DPP10: variants seen among roughly 807,000 people sequenced by gnomAD.
DPP10 encodes the protein inactive dipeptidyl peptidase 10.
DPP10 carries 33 observed loss-of-function variants against 120.9 expected under a neutral mutation model. The ratio of observed to expected loss-of-function variants is 0.27; its 90% CI spans 0.21 to 0.37. The LOEUF is 0.37. Ranked by LOEUF, DPP10 falls within the 10% of genes least tolerant of loss-of-function variation. The pLI is 1.00. For synonymous variants in DPP10, 337 were observed against 326.1 expected, an observed-to-expected ratio of 1.03 and a Z score of -0.36; for missense variants, 816 against 942.8, an observed-to-expected ratio of 0.87 and a Z score of 1.76.
At chr2:114,923,078 CTG>C (rs1310006873) in intron 1 of DPP10, among the ~76,000 whole-genome samples, 2 of 152,046 alleles carry the variant, frequency 1.3e-5, no homozygotes, top group Non-Finnish European at 2.9e-5. Context: ...CAAAATTGGA[CTG>C]TCTTTTTATT....
chr2:115,376,886 A>G (rs1419898055), intron 3 of DPP10, among the ~76,000 whole-genome samples: 2 of 148,354 alleles, frequency 1.3e-5, no homozygotes, highest in Non-Finnish European at 3.0e-5. Context: ...TGAACTCATC[A>G]TTTTTTATGG....
intron 1 of DPP10, among the ~76,000 whole-genome samples, chr2:114,896,705 T>A (rs570852212): frequency 6.6e-6 from 1 of 152,324 alleles, no homozygotes; most frequent in African/African-American, 2.4e-5. Flanking sequence ...ACTTCCTTTT[T>A]TCCTAATTGA....
intron 1 of DPP10, among the ~76,000 whole-genome samples, chr2:115,126,748 T>C (rs2104764442): frequency 6.6e-6 from 1 of 152,296 alleles, no homozygotes; most frequent in South Asian, 2.1e-4. Flanking sequence ...TTTCCCTGAT[T>C]ACAGGCATTT....
At chr2:114,855,139 A>G (rs1024972696) in intron 1 of DPP10, among the ~76,000 whole-genome samples, 3 of 152,188 alleles carry the variant, frequency 2.0e-5, no homozygotes, top group Admixed American at 6.6e-5. Flanking sequence ...AAGGGAAGGA[A>G]AAGAGAGAGA....
chr2:115,130,075 A>T (rs1432964049), intron 1 of DPP10, among the ~76,000 whole-genome samples: 1 of 152,160 alleles, frequency 6.6e-6, no homozygotes. Flanking sequence ...CCATCTAATC[A>T]AAACCCTCCT....
At chr2:115,408,619 A>G (rs931778097) in intron 3 of DPP10, among the ~76,000 whole-genome samples, 27 of 152,216 alleles carry the variant, frequency 1.8e-4, no homozygotes, top group Non-Finnish European at 2.8e-4. Flanking sequence ...CATATAAAGT[A>G]TATTCTCTGA....
In DPP10 at chr2:114,611,777, A is replaced by G. The variant is rs112473558; in HGVS notation, c.60+168939A>G. Among the ~76,000 whole-genome samples, 727 of 152,214 alleles carry G rather than the reference A, an allele frequency of 4.8e-3. 9 individuals carry two copies. Among genetic ancestry groups the G allele is most frequent in the African/African-American group, 0.017 (702 of 41,544 alleles). On this transcript the variant is annotated intron_variant, in intron 1 of 25. Coordinates refer to ENST00000410059, the MANE Select transcript of DPP10 (RefSeq NM_020868.6). Reference sequence around the variant, plus strand: ...CCAAGATATTAATCAAGCTCATCCTATGTGTTGTCACTGTTCATGTCAGCA... The same window carrying G: ...CCAAGATATTAATCAAGCTCATCCTGTGTGTTGTCACTGTTCATGTCAGCA...
intron 1 of DPP10, among the ~76,000 whole-genome samples, chr2:115,136,529 A>C (rs1476333204): frequency 6.6e-6 from 1 of 152,212 alleles, no homozygotes. Flanking sequence ...AGACACACTC[A>C]GGCAGTTAGA....
chr2:114,635,128 G>GT (rs971868630), intron 1 of DPP10, among the ~76,000 whole-genome samples: 35 of 146,944 alleles, frequency 2.4e-4, no homozygotes, highest in African/African-American at 5.8e-4. Context: ...CTTCCTCATT[G>GT]TTTTTTTTTT....
chr2:114,596,929 T>C (rs1691959726), intron 1 of DPP10, among the ~76,000 whole-genome samples: 1 of 152,082 alleles, frequency 6.6e-6, no homozygotes, highest in African/African-American at 2.4e-5. Flanking sequence ...TATGTAGCCA[T>C]TGTCCTAGTT....
chr2:115,076,390 A>G (rs887939729), intron 1 of DPP10, among the ~76,000 whole-genome samples: 1 of 150,138 alleles, frequency 6.7e-6, no homozygotes, highest in African/African-American at 2.5e-5. Flanking sequence ...TTTTTTTTAG[A>G]CTGAAGGACT....
At chr2:115,001,672 C>G (rs1440128737) in intron 1 of DPP10, among the ~76,000 whole-genome samples, 1 of 152,144 alleles carries the variant, frequency 6.6e-6, no homozygotes, top group East Asian at 1.9e-4. Flanking sequence ...GCTCTTTGCT[C>G]TGATAAACAA....
At chr2:114,570,843 A>T (rs1477878454) in intron 1 of DPP10, among the ~76,000 whole-genome samples, 5 of 150,494 alleles carry the variant, frequency 3.3e-5, no homozygotes, top group Admixed American at 3.3e-4. Flanking sequence ...AAATAAAAAA[A>T]AAAAAAAAAA....
chr2:114,838,595 C>A (rs1687920894), intron 1 of DPP10, among the ~76,000 whole-genome samples: 1 of 152,100 alleles, frequency 6.6e-6, no homozygotes, highest in African/African-American at 2.4e-5. Flanking sequence ...CTGTGCCCCG[C>A]CCTAATTTTT....
chr2:114,579,842 T>C (rs1373687203), intron 1 of DPP10, among the ~76,000 whole-genome samples: 1 of 152,098 alleles, frequency 6.6e-6, no homozygotes, highest in East Asian at 1.9e-4. Flanking sequence ...TACCTCCAGC[T>C]TTATAGAGAG....
chr2:114,693,539 T>C (rs1322263609), intron 1 of DPP10, among the ~76,000 whole-genome samples: 1 of 151,962 alleles, frequency 6.6e-6, no homozygotes, highest in Non-Finnish European at 1.5e-5. Flanking sequence ...TTTTGGAGAA[T>C]CTGAGGATTA....
At chr2:114,873,937 T>A (rs1690923720) in intron 1 of DPP10, among the ~76,000 whole-genome samples, 1 of 152,148 alleles carries the variant, frequency 6.6e-6, no homozygotes, top group Admixed American at 6.5e-5. Flanking sequence ...CTTACTTATG[T>A]GACATATTCA....
At chr2:114,932,051 C>A (rs548551042) in intron 1 of DPP10, among the ~76,000 whole-genome samples, 1 of 152,272 alleles carries the variant, frequency 6.6e-6, no homozygotes, top group Non-Finnish European at 1.5e-5. Flanking sequence ...TAGAATCTTG[C>A]TGGCAAATTC....
At chr2:114,843,779 T>C (rs1688340864) in intron 1 of DPP10, among the ~76,000 whole-genome samples, 1 of 152,146 alleles carries the variant, frequency 6.6e-6, no homozygotes, top group Admixed American at 6.6e-5. Context: ...ACATTATTCC[T>C]TTCCCTGCCG....
Sources: allele counts gnomAD v4.1 joint callset (sites outside exome capture counted in the v4.1 genomes callset), GRCh38; gene constraint gnomAD v4.1.1; transcripts MANE v1.5; gene names NCBI Gene and HGNC (gene_info 2026-07-23, HGNC 2026-07-21).